Variants in SYNE1 observed in about 807,000 individuals in gnomAD.
SYNE1 encodes nesprin-1.
In SYNE1, 616 loss-of-function variants were observed where a neutral mutation model predicts 1,111.0. That is an observed-to-expected ratio of 0.55 (90% CI 0.52 to 0.59). The LOEUF (loss-of-function observed/expected upper bound fraction) is 0.59, where lower values mean the gene tolerates loss of function less well. Ranked by LOEUF, SYNE1 falls within the 20% of genes least tolerant of loss-of-function variation. The pLI, the probability that SYNE1 is intolerant of heterozygous loss-of-function variation, is 0.00. For synonymous variants in SYNE1, 3,855 were observed against 3,825.8 expected, an observed-to-expected ratio of 1.01 and a Z score of -0.28; for missense variants, 10,006 against 10,417.0, an observed-to-expected ratio of 0.96 and a Z score of 1.72.
intron 107 of SYNE1, among the ~76,000 whole-genome samples, chr6:152,241,512 G>GTGTGTGTGTGTGTA (rs1169368024): frequency 7.7e-6 from 1 of 129,572 alleles, no homozygotes; most frequent in Non-Finnish European, 1.6e-5. Flanking sequence ...GTGTGTGTGT[G>GTGTGTGTGTGTGTA]TGTGTGTGTG....
chr6:152,620,446 A>G lies in SYNE1; in HGVS notation c.67+7819T>C, dbSNP rs538795677. ...TTGATCTCTACAGTTACATACATAT[A>G]CTCAACTCCTTTCCTGGAAATCTAC... On this transcript the variant is annotated intron_variant, in intron 3 of 145. Coordinates refer to ENST00000367255, the MANE Select transcript of SYNE1 (RefSeq NM_182961.4). 5.3e-5 allele frequency among the ~76,000 whole-genome samples: 8 copies of G among 152,210 alleles called. 1 individual carries two copies. The South Asian group carries it at 1.7e-3, about 32-fold the overall frequency.
chr6:152,148,279 G>C lies in SYNE1; in HGVS notation c.24742C>G (p.Leu8248Val), dbSNP rs753595713. The C allele has an allele frequency of 4.3e-6, 7 of 1,613,692 alleles. No homozygotes were observed. The highest frequency in any genetic ancestry group is 4.2e-6 in the Non-Finnish European group (5 of 1,179,682). ...LHWHDRSADSLLSPQPSSNLS... is the reference protein window; with the variant it reads ...LHWHDRSADSVLSPQPSSNLS... ...TTGGAGGAAGGCTGTGGAGAAAGCA[G>C]GCTGTCTGCAGAGCGGTCGTGCCAG... Residue 8248 changes from leucine to valine, a missense_variant, in exon 137 of 146, where the codon CTG becomes GTG. Transcript: ENST00000367255. The surrounding 1 kb of genome is among the most constrained non-coding windows in gnomAD (Gnocchi z 4.1).
chr6:152,186,438 CT>C (rs1489021646), intron 128 of SYNE1, among the ~76,000 whole-genome samples: 1 of 151,576 alleles, frequency 6.6e-6, no homozygotes, highest in African/African-American at 2.4e-5. Context: ...TGCCTGTAAT[CT>C]CAGTTACTCG....
chr6:152,135,598 T>TCCC (rs2056880676), intron 141 of SYNE1, among the ~76,000 whole-genome samples: 1 of 152,208 alleles, frequency 6.6e-6, no homozygotes, highest in African/African-American at 2.4e-5. Flanking sequence ...GAATCTCATA[T>TCCC]CCCCTTCATT....
chr6:152,634,608 T>C (rs745928846), intron 2 of SYNE1, among the ~76,000 whole-genome samples: 19 of 152,252 alleles, frequency 1.2e-4, no homozygotes, highest in Non-Finnish European at 2.5e-4. Flanking sequence ...CAATGCTGTT[T>C]CTTATTCACT....
intron 33 of SYNE1, chr6:152,435,714 A>C (rs1303335517): frequency 2.7e-5 from 16 of 587,562 alleles, no homozygotes; most frequent in Non-Finnish European, 4.2e-5. Context: ...GAACATGATC[A>C]GTTTAAGATG....
At chr6:152,584,990 A>G (rs1232276928) in intron 3 of SYNE1, among the ~76,000 whole-genome samples, 4 of 152,176 alleles carry the variant, frequency 2.6e-5, no homozygotes, top group Admixed American at 1.3e-4. Flanking sequence ...CTTATCTTGA[A>G]TTGTAGTTCC....
rs2094718334 is a variant in SYNE1, at chr6:152,293,654, A to T, written c.17946T>A (p.Ile5982=). 6.2e-7 allele frequency: 1 copy of T among 1,614,124 alleles called. No individual in the cohort carries two copies. Among genetic ancestry groups the T allele is most frequent in the Non-Finnish European group, 8.5e-7 (1 of 1,180,018 alleles). The change falls in exon 95 of 146, where the codon ATT becomes ATA. Residue 5982 remains isoleucine (I), a synonymous_variant. Transcript: ENST00000367255. Reference sequence around the variant, plus strand: ...CTGGGCTCTCACTGAGTTTCAGCTCAATGGCCTCCATCTTCGTAGAGATGG... The same window carrying T: ...CTGGGCTCTCACTGAGTTTCAGCTCTATGGCCTCCATCTTCGTAGAGATGG... ...LQSISTKMEA[I]ELKLSESPEP...
intron 74 of SYNE1, among the ~76,000 whole-genome samples, chr6:152,341,749 G>T (rs2096538408): frequency 6.6e-6 from 1 of 152,158 alleles, no homozygotes; most frequent in South Asian, 2.1e-4. Context: ...AATGTCGTCA[G>T]CAGATTCTTG....
intron 29 of SYNE1, among the ~76,000 whole-genome samples, 167 bp from the exon 30 acceptor site, chr6:152,444,745 A>T (rs1195052033): frequency 6.6e-6 from 1 of 152,050 alleles, no homozygotes; most frequent in Non-Finnish European, 1.5e-5. Context: ...CTGTCATCTC[A>T]CATATTTCTC....
chr6:152,141,339 CAT>C lies in SYNE1; in HGVS notation c.25120-12_25120-11del. 3.1e-6 allele frequency: 5 copies of C among 1,613,432 alleles called. No homozygotes were observed. The highest frequency in any genetic ancestry group is 4.2e-6 in the Non-Finnish European group (5 of 1,179,806). The stretch of plus-strand genomic sequence containing the variant: ...CGCCCAGCAGTTTCATCTGTTTAGA[CAT>C]AAACAACCGGCCCCTGTCACCCAAA... On this transcript the variant is annotated splice_polypyrimidine_tract_variant and intron_variant, in intron 138 of 145. Transcript: ENST00000367255.
chr6:152,522,948 C>A (rs1239035960), intron 5 of SYNE1, among the ~76,000 whole-genome samples: 1 of 151,878 alleles, frequency 6.6e-6, no homozygotes, highest in African/African-American at 2.4e-5. Context: ...AGATTCTGAA[C>A]ATTAGTCCTT....
intron 66 of SYNE1, 137 bp downstream of exon 66, chr6:152,358,236 A>AAACCTTATGG: frequency 1.6e-6 from 2 of 1,220,490 alleles, no homozygotes; most frequent in South Asian, 2.5e-5. Context: ...GTTCTTGATC[A>AAACCTTATGG]AACCTTATGG....
intron 3 of SYNE1, among the ~76,000 whole-genome samples, chr6:152,601,657 G>A (rs930140802): frequency 1.1e-4 from 16 of 152,104 alleles, no homozygotes; most frequent in East Asian, 1.9e-4. Flanking sequence ...CAGAAAACAC[G>A]ACAAACCATC....
intron 45 of SYNE1, 66 bp downstream of exon 45, chr6:152,406,944 CTTTT>C: frequency 2.1e-6 from 2 of 967,398 alleles, no homozygotes; most frequent in Non-Finnish European, 2.8e-6. Context: ...TTAAGAAAGA[CTTTT>C]TTTTTTTTTC....
chr6:152,340,591 C>T (rs1320066907), intron 74 of SYNE1, among the ~76,000 whole-genome samples: 2 of 152,198 alleles, frequency 1.3e-5, no homozygotes, highest in Admixed American at 6.5e-5. Context: ...ACCATCTCCT[C>T]CACCCCAGTT....
Position 152,339,288 on chromosome 6 carries a change from C to G in SYNE1, c.12304G>C (p.Ala4102Pro). The part of the protein sequence containing the change: ...LLCSMCDLSN[A>P]SVKTTAKDIQ... ...TCTTTTGCTGTGGTTTTCACCGAAG[C>G]ATTTGACAGGTCACACATGGAGCAA... Residue 4102 changes from alanine to proline, a missense_variant, in exon 75 of 146, where the codon GCT becomes CCT. Physicochemically the swap from Ala to Pro is conservative, Grantham distance 27. Transcript: ENST00000367255. 6.2e-7 allele frequency: 1 copy of G among 1,614,052 alleles called. No individual in the cohort carries two copies. The highest frequency in any genetic ancestry group is 1.1e-5 in the South Asian group (1 of 91,078).
chr6:152,281,985 T>C lies in SYNE1; in HGVS notation c.18208-5A>G, dbSNP rs886313977. Reference sequence around the variant, plus strand: ...CAGCTGATCATTCAACTTCTCCTGTTGAATTCAGTAGAAGGTAATATAGAT... The same window carrying C: ...CAGCTGATCATTCAACTTCTCCTGTCGAATTCAGTAGAAGGTAATATAGAT... On this transcript the variant is annotated splice_polypyrimidine_tract_variant and splice_region_variant and intron_variant, in intron 96 of 145. Coordinates refer to ENST00000367255, the MANE Select transcript of SYNE1 (RefSeq NM_182961.4). 1 of 1,613,392 alleles carries C rather than the reference T, an allele frequency of 6.2e-7. No individual in the cohort carries two copies. The highest frequency in any genetic ancestry group is 8.5e-7 in the Non-Finnish European group (1 of 1,179,956).
chr6:152,439,584 C>T (rs544675271), intron 32 of SYNE1, among the ~76,000 whole-genome samples: 18 of 152,170 alleles, frequency 1.2e-4, no homozygotes, highest in African/African-American at 4.1e-4. Context: ...TGATGAATAT[C>T]GTATAGACTT....
Sources: gnomAD v4.1 joint callset for allele counts (sites outside exome capture counted in the v4.1 genomes callset) on GRCh38, gnomAD v4.1.1 for gene constraint, Gnocchi (gnomAD v3.1) non-coding constraint, MANE v1.5 for transcripts, NCBI Gene and HGNC (gene_info 2026-07-23, HGNC 2026-07-21) for gene names.